The following EIF2B5 variants were observed in gnomAD, a reference collection of about 807,000 sequenced individuals.
The protein encoded by EIF2B5 is eukaryotic translation initiation factor 2B subunit epsilon, also known as translation initiation factor eIF2B subunit epsilon.
A neutral mutation model predicts 87.3 loss-of-function variants in EIF2B5; 38 were observed. That is an observed-to-expected ratio of 0.44 (90% CI 0.34 to 0.57). The LOEUF is 0.57. Among genes scored for constraint, EIF2B5 ranks in the 20% least tolerant of loss-of-function variants. The pLI is 0.02. For synonymous variants in EIF2B5, 313 were observed against 339.6 expected (o/e 0.92, Z 0.86); for missense variants, 784 against 909.5 (o/e 0.86, Z 1.78).
chr3:184,144,429 C>T (rs1170741368), intron 14 of EIF2B5, among the ~76,000 whole-genome samples, 168 bp from the exon 15 acceptor site: 3 of 152,120 alleles, frequency 2.0e-5, no homozygotes, highest in African/African-American at 7.2e-5. Context: ...CAAAGCTCTC[C>T]CCAGCAATAG....
At chr3:184,143,665 CT>C (rs961775635) in intron 13 of EIF2B5, 100 bp downstream of exon 13, 74 of 1,574,750 alleles carry the variant, frequency 4.7e-5, no homozygotes, top group Non-Finnish European at 5.9e-5. Context: ...CTTCTGGTTC[CT>C]TTTTCCTTGC....
Position 184,136,711 on chromosome 3 carries a change from G to A in EIF2B5, c.295G>A (p.Ala99Thr). 6.2e-7 allele frequency: 1 copy of A among 1,614,168 alleles called. No individual in the cohort carries two copies. Among genetic ancestry groups the A allele is most frequent in the Non-Finnish European group, 8.5e-7 (1 of 1,180,032 alleles). ...AACATTTGTCTTTTGTTGCTGGAAA[G>A]CTGCTCAAATCAAAGAACATTTACT... ...QETFVFCCWK[A>T]AQIKEHLLKS... Residue 99 changes from alanine to threonine, a missense_variant, in exon 2 of 16, where the codon GCT becomes ACT. Physicochemically the swap from Ala to Thr is moderately conservative, Grantham distance 58. Around this residue, in one of 3 missense-constraint regions of EIF2B5, gnomAD observed 660 missense variants for 789.5 expected, o/e 0.84. Coordinates refer to ENST00000648915, the MANE Select transcript of EIF2B5 (RefSeq NM_003907.3).
Position 184,138,153 on chromosome 3 carries a change from C to T in EIF2B5, c.685-13C>T. Reference sequence around the variant, plus strand: ...GAGAAACAAATTAAAGTCCTTGTAACTTCTCCCCACAGAGCCTGTTTCAGG... The same window carrying T: ...GAGAAACAAATTAAAGTCCTTGTAATTTCTCCCCACAGAGCCTGTTTCAGG... On this transcript the variant is annotated splice_polypyrimidine_tract_variant and intron_variant, in intron 4 of 15. Transcript: ENST00000648915. 1 of 1,614,152 alleles carries T rather than the reference C, an allele frequency of 6.2e-7. No individual in the cohort carries two copies. Among genetic ancestry groups the T allele is most frequent in the Non-Finnish European group, 8.5e-7 (1 of 1,180,008 alleles).
chr3:184,143,891 C>G, intron 13 of EIF2B5: 4 of 803,686 alleles, frequency 5.0e-6, no homozygotes, highest in Non-Finnish European at 8.1e-6. Flanking sequence ...TTTGAGGCAG[C>G]CTATAGCATC....
chr3:184,139,532 C>A (rs561827078), intron 5 of EIF2B5, among the ~76,000 whole-genome samples: 2 of 149,520 alleles, frequency 1.3e-5, no homozygotes, highest in African/African-American at 4.9e-5. Flanking sequence ...CTGCCTGCCT[C>A]GGCCTCCCAA....
At chr3:184,144,834 G>A (rs892692418) in intron 15 of EIF2B5, 50 bp from the exon 16 acceptor site, 3 of 1,604,730 alleles carry the variant, frequency 1.9e-6, no homozygotes, top group South Asian at 2.2e-5. Flanking sequence ...AGGGGAGCAG[G>A]AGAGTTATGT....
intron 1 of EIF2B5, 186 bp downstream of exon 1, chr3:184,135,766 T>G: frequency 1.3e-6 from 1 of 775,682 alleles, no homozygotes; most frequent in African/African-American, 1.7e-5. Flanking sequence ...GCCGGCAGAT[T>G]TGGGCATTCG....
intron 7 of EIF2B5, 151 bp from the exon 8 acceptor site, chr3:184,141,774 G>A (rs78639172): frequency 3.3e-6 from 3 of 901,224 alleles, no homozygotes; most frequent in Middle Eastern, 3.3e-4. Context: ...CTGGGCTTAG[G>A]GGGTGAGTGG....
Position 184,138,201 on chromosome 3 carries a change from T to G in EIF2B5, c.720T>G (p.Val240=), listed in dbSNP as rs765605940. 2 of 1,614,116 alleles carry G rather than the reference T, an allele frequency of 1.2e-6. No individual in the cohort carries two copies. Among genetic ancestry groups the G allele is most frequent in the African/African-American group, 1.3e-5 (1 of 75,038 alleles). ...LFQGSSDGVE[V]RYDLLDCHIS... ...AGGGCAGTAGTGATGGAGTGGAGGT[T>G]CGATATGATTTACTGGATTGTCATA... The change falls in exon 5 of 16, where the codon GTT becomes GTG. Residue 240 remains valine (V), a synonymous_variant. Coordinates refer to ENST00000648915, the MANE Select transcript of EIF2B5 (RefSeq NM_003907.3).
Position 184,143,582 on chromosome 3 carries a change from G to C in EIF2B5, c.1869+17G>C. On this transcript the variant is annotated intron_variant, in intron 13 of 15. Coordinates refer to ENST00000648915, the MANE Select transcript of EIF2B5 (RefSeq NM_003907.3). ...CTGCTTCCTGTGAGCAAAGATTGGAGCTGAGTACAAGGGATTGGGTACAGG... is the reference window on the plus strand; with the variant it reads ...CTGCTTCCTGTGAGCAAAGATTGGACCTGAGTACAAGGGATTGGGTACAGG... 6.2e-7 allele frequency: 1 copy of C among 1,614,198 alleles called. No individual in the cohort carries two copies. The highest frequency in any genetic ancestry group is 2.2e-5 in the East Asian group (1 of 44,882).
rs755084859 is a variant in EIF2B5, at chr3:184,137,834, G to A, written c.506+29G>A. 1.9e-6 allele frequency: 3 copies of A among 1,614,164 alleles called. No individual in the cohort carries two copies. The South Asian group carries it at 3.3e-5, about 18-fold the overall frequency. Reference sequence around the variant, plus strand: ...AGGATGGGAAAATGACAGGAACAAGGGTTAAAGACCAGCAGAGCCCTGAGA... The same window carrying A: ...AGGATGGGAAAATGACAGGAACAAGAGTTAAAGACCAGCAGAGCCCTGAGA... On this transcript the variant is annotated intron_variant, in intron 3 of 15. Coordinates refer to ENST00000648915, the MANE Select transcript of EIF2B5 (RefSeq NM_003907.3).
intron 12 of EIF2B5, 52 bp downstream of exon 12, chr3:184,143,194 G>T: frequency 6.3e-7 from 1 of 1,586,542 alleles, no homozygotes; most frequent in Non-Finnish European, 8.6e-7. Flanking sequence ...GAAGGTAGAG[G>T]CTTTCTCGTA....
Position 184,139,875 on chromosome 3 carries a change from T to C in EIF2B5, c.766-205T>C, listed in dbSNP as rs528187381. ...TACTAAAAAATAAAAATACAAAAAT[T>C]AGCTGGGCGTGGTGGCGGACGCTTG... On this transcript the variant is annotated intron_variant, in intron 5 of 15. Coordinates refer to ENST00000648915, the MANE Select transcript of EIF2B5 (RefSeq NM_003907.3). Among the ~76,000 whole-genome samples, 7 of 151,822 alleles carry C rather than the reference T, an allele frequency of 4.6e-5. No homozygotes were observed. The South Asian group carries it at 1.5e-3, about 32-fold the overall frequency.
At chr3:184,140,895 G>A (rs756261968) in intron 7 of EIF2B5, 165 bp downstream of exon 7, 8 of 771,430 alleles carry the variant, frequency 1.0e-5, no homozygotes, top group African/African-American at 3.5e-5. Context: ...TGAAAACAGC[G>A]ATACCTTAAT....
rs887900270 is a variant in EIF2B5, at chr3:184,137,604, C to T, written c.321-16C>T. On this transcript the variant is annotated splice_polypyrimidine_tract_variant and intron_variant, in intron 2 of 15. Transcript: ENST00000648915. Reference sequence around the variant, plus strand: ...ATGCTTGATACACTCATTCCCCTCACCCTCCCTTCCTTTAGGAAGTCAAAG... The same window carrying T: ...ATGCTTGATACACTCATTCCCCTCATCCTCCCTTCCTTTAGGAAGTCAAAG... The T allele has an allele frequency of 1.2e-6, 2 of 1,613,208 alleles. No homozygotes were observed. The highest frequency in any genetic ancestry group is 1.1e-5 in the South Asian group (1 of 91,052).
rs1577034019 is a variant in EIF2B5 at position 184,142,175 on chromosome 3, C to G, written c.1303-62C>G. 3 of 1,614,030 alleles carry G rather than the reference C, an allele frequency of 1.9e-6. No homozygotes were observed. The highest frequency in any genetic ancestry group is 1.3e-5 in the African/African-American group (1 of 75,042). On this transcript the variant is annotated intron_variant, in intron 8 of 15. Coordinates refer to ENST00000648915, the MANE Select transcript of EIF2B5 (RefSeq NM_003907.3). This position sits in a 1 kb window ranked among gnomAD's most constrained non-coding sequence, Gnocchi z 5.0. ...CATAATCCTGTCTAAAAAAGTTGCT[C>G]TCATTATCAGGATGCACTTTTCCTC...
At position 184,144,150 on chromosome 3, in the gene EIF2B5, G is replaced by A. The variant is rs755934102; in HGVS notation, c.1921G>A (p.Asp641Asn). The A allele has an allele frequency of 1.1e-5, 17 of 1,614,082 alleles. No individual in the cohort carries two copies. Among genetic ancestry groups the A allele is most frequent in the Admixed American group, 5.0e-5 (3 of 60,000 alleles). The stretch of plus-strand genomic sequence containing the variant: ...TAGGAACTACATAAAGCGCGCAGCC[G>A]ACCATTTGGAAGCGTTAGCAGCCAT... ...VFRNYIKRAA[D>N]HLEALAAIED... Residue 641 changes from aspartate to asparagine, a missense_variant, in exon 14 of 16, where the codon GAC becomes AAC. Physicochemically the swap from Asp to Asn is conservative, Grantham distance 23 (BLOSUM62 1). Around this residue, in one of 3 missense-constraint regions of EIF2B5, gnomAD observed 660 missense variants for 789.5 expected, o/e 0.84. Transcript: ENST00000648915.
rs901847625 is a variant in EIF2B5, at chr3:184,143,463, A to G, written c.1767A>G (p.Leu589=). The G allele has an allele frequency of 1.2e-6, 2 of 1,614,134 alleles. No homozygotes were observed. Among genetic ancestry groups the G allele is most frequent in the Non-Finnish European group, 1.7e-6 (2 of 1,180,008 alleles). The part of the protein sequence containing the change: ...NSLKYAYNIS[L]KEVMQVLSHV... ...ACAGGTATGCCTATAACATAAGTCT[A>G]AAGGAGGTGATGCAGGTACTGAGCC... is the stretch of plus-strand genomic sequence containing the variant. The change falls in exon 13 of 16, where the codon CTA becomes CTG. Residue 589 remains leucine (L), a synonymous_variant. Transcript: ENST00000648915.
In EIF2B5 at chr3:184,140,060, A is replaced by C. The variant is rs778540793; in HGVS notation, c.766-20A>C. ...AAAGAATAGTACTTAATTCTAGCCC[A>C]CTCCACTTCCCTTCCACAGGTGGCA... On this transcript the variant is annotated intron_variant, in intron 5 of 15. Transcript: ENST00000648915. 1.3e-6 allele frequency: 2 copies of C among 1,593,554 alleles called. No homozygotes were observed. Among genetic ancestry groups the C allele is most frequent in the Non-Finnish European group, 1.7e-6 (2 of 1,163,214 alleles).
Sources: allele counts gnomAD v4.1 joint callset (sites outside exome capture counted in the v4.1 genomes callset), GRCh38; gene constraint gnomAD v4.1.1; regional missense constraint gnomAD v4.1.1; non-coding constraint Gnocchi (gnomAD v3.1); transcripts MANE v1.5; gene names NCBI Gene and HGNC (gene_info 2026-07-23, HGNC 2026-07-21).